MMP26: variants seen among roughly 807,000 people sequenced by gnomAD.
MMP26 encodes matrix metallopeptidase 26.
MMP26 carries 33 observed loss-of-function variants against 31.0 expected under a neutral mutation model. The observed-to-expected ratio is 1.06, with a 90% confidence interval of 0.81 to 1.42. MMP26 has a LOEUF of 1.42. Among genes scored for constraint, MMP26 ranks in the 40% most tolerant of loss-of-function variants. The pLI, the probability that MMP26 is intolerant of heterozygous loss-of-function variation, is 0.00. For synonymous variants in MMP26, 122 were observed against 114.9 expected (o/e 1.06, Z -0.40); for missense variants, 347 against 316.1 (o/e 1.10, Z -0.74).
At chr11:4,845,534 GTAAAA>G (rs1258668104) in intron 2 of MMP26, among the ~76,000 whole-genome samples, 1 of 152,058 alleles carries the variant, frequency 6.6e-6, no homozygotes, top group East Asian at 1.9e-4. Context: ...ATTGATCTGG[GTAAAA>G]ATTTCTTGAG....
intron 2 of MMP26, among the ~76,000 whole-genome samples, chr11:4,826,720 A>G (rs1321071589): frequency 6.6e-6 from 1 of 152,112 alleles, no homozygotes; most frequent in East Asian, 1.9e-4. Flanking sequence ...AGCTAGCAAA[A>G]CATTATAAGG....
In MMP26 at chr11:4,769,013, C is replaced by T. The variant is rs369896596; in HGVS notation, c.-145+1672C>T. 6.8e-5 allele frequency: 104 copies of T among 1,518,770 alleles called. No individual in the cohort carries two copies. The highest frequency in any genetic ancestry group is 2.0e-4 in the African/African-American group (14 of 71,688). 94.1% of individuals were successfully genotyped at this position (1,518,770 alleles called of 1,614,324 possible). A position where few individuals can be genotyped will look rare whatever the true frequency, so the allele number is the denominator to read the frequency against. ...AAGCAGCAGACTGAGCATAGCCTTGCGGATTTGTTTTGTTTTTACACTGTC... is the reference window on the plus strand; with the variant it reads ...AAGCAGCAGACTGAGCATAGCCTTGTGGATTTGTTTTGTTTTTACACTGTC... On this transcript the variant is annotated intron_variant, in intron 2 of 7. Transcript: ENST00000380390.
intron 1 of MMP26, among the ~76,000 whole-genome samples, chr11:4,734,873 C>T (rs1437110725): frequency 6.6e-6 from 1 of 151,384 alleles, no homozygotes; most frequent in Non-Finnish European, 1.5e-5. Flanking sequence ...GGCATGAGTA[C>T]TGCACCTTAG....
At chr11:4,923,468 G>A (rs552022062) in intron 2 of MMP26, 2 of 1,613,308 alleles carry the variant, frequency 1.2e-6, no homozygotes, top group African/African-American at 1.3e-5. Context: ...GTAGATGATG[G>A]GGTTCATAAG....
chr11:4,755,927 G>T (rs1848499570), intron 1 of MMP26, among the ~76,000 whole-genome samples: 1 of 152,046 alleles, frequency 6.6e-6, no homozygotes, highest in Non-Finnish European at 1.5e-5. Flanking sequence ...AAAATCCAGA[G>T]CATGAGCATA....
intron 1 of MMP26, among the ~76,000 whole-genome samples, chr11:4,714,938 A>T (rs1227143286): frequency 1.3e-5 from 2 of 151,748 alleles, no homozygotes; most frequent in Non-Finnish European, 2.9e-5. Context: ...ACACACACAC[A>T]CACACACACA....
intron 2 of MMP26, among the ~76,000 whole-genome samples, chr11:4,933,402 G>T (rs959675336): frequency 1.3e-4 from 19 of 151,940 alleles, no homozygotes; most frequent in South Asian, 4.1e-4. Flanking sequence ...ATAAACACAG[G>T]TTATATATGC....
At chr11:4,941,450 G>A (rs545195158) in intron 2 of MMP26, among the ~76,000 whole-genome samples, 1 of 152,234 alleles carries the variant, frequency 6.6e-6, no homozygotes, top group South Asian at 2.1e-4. Flanking sequence ...AAACACATAC[G>A]GGTTCTTATA....
intron 1 of MMP26, among the ~76,000 whole-genome samples, chr11:4,747,858 A>G (rs1320585348): frequency 6.6e-6 from 1 of 152,140 alleles, no homozygotes; most frequent in Non-Finnish European, 1.5e-5. Flanking sequence ...TAGAAAGATC[A>G]CAAGTTAACC....
chr11:4,723,235 G>C (rs1848043228), intron 1 of MMP26: 1 of 1,283,796 alleles, frequency 7.8e-7, no homozygotes, highest in African/African-American at 1.5e-5. Context: ...TCTCAGCCTG[G>C]AGCCGGCTGA....
chr11:4,980,315 C>T (rs1211263053), intron 2 of MMP26, among the ~76,000 whole-genome samples: 1 of 152,020 alleles, frequency 6.6e-6, no homozygotes, highest in African/African-American at 2.4e-5. Context: ...AGTGTACCTC[C>T]TTTCGAAACC....
intron 2 of MMP26, among the ~76,000 whole-genome samples, chr11:4,839,671 C>T (rs956371009): frequency 7.9e-5 from 12 of 150,948 alleles, no homozygotes; most frequent in African/African-American, 2.4e-4. Flanking sequence ...CCTTGGACCC[C>T]GGACAACAAG....
chr11:4,937,979 T>TA (rs1846153263), intron 2 of MMP26: 1 of 152,090 alleles, frequency 6.6e-6, no homozygotes. Context: ...AACAGATGGA[T>TA]AAAAAATTCC....
chr11:4,707,473 T>A (rs558203392), intron 1 of MMP26, among the ~76,000 whole-genome samples: 23 of 152,296 alleles, frequency 1.5e-4, no homozygotes, highest in Non-Finnish European at 2.6e-4. Context: ...TTATTTACTA[T>A]AATAAAAAGA....
chr11:4,985,487 C>G (rs1380953486), intron 2 of MMP26, among the ~76,000 whole-genome samples: 1 of 152,126 alleles, frequency 6.6e-6, no homozygotes, highest in African/African-American at 2.4e-5. Context: ...ATTAATTCCT[C>G]TGGTTGACAT....
At position 4,950,261 on chromosome 11, in the gene MMP26, A is replaced by G. The variant is rs1365632972; in HGVS notation, c.-144-37807A>G. Among the ~76,000 whole-genome samples, 2 of 123,288 alleles carry G rather than the reference A, an allele frequency of 1.6e-5. 1 individual carries two copies. The highest frequency in any genetic ancestry group is 3.7e-5 in the Non-Finnish European group (2 of 54,238). The allele number at this position is 123,288 out of a possible 152,430, so 80.9% of individuals were successfully genotyped here. A position where few individuals can be genotyped will look rare whatever the true frequency, so the allele number is the denominator to read the frequency against. ...GATACAACCAGGAAAAACAAATTTC[A>G]TAGACAGAATTAATTAATAGAAAGC... On this transcript the variant is annotated intron_variant, in intron 2 of 7. Transcript: ENST00000380390.
At chr11:4,938,506 A>C (rs1373255773) in intron 2 of MMP26, among the ~76,000 whole-genome samples, 1 of 152,014 alleles carries the variant, frequency 6.6e-6, no homozygotes, top group Non-Finnish European at 1.5e-5. Context: ...AGCAAATGGG[A>C]AGAATATGAG....
intron 2 of MMP26, among the ~76,000 whole-genome samples, chr11:4,791,019 T>G (rs1849019273): frequency 1.3e-5 from 2 of 152,170 alleles, no homozygotes; most frequent in Non-Finnish European, 2.9e-5. Flanking sequence ...AACCTAATAT[T>G]CCAACATCCT....
At chr11:4,857,758 C>A (rs1461892009) in intron 2 of MMP26, among the ~76,000 whole-genome samples, 1 of 152,100 alleles carries the variant, frequency 6.6e-6, no homozygotes, top group Non-Finnish European at 1.5e-5. Flanking sequence ...CAAGGCCAGG[C>A]AGAGACACAA....
Sources: gnomAD v4.1 joint callset for allele counts (sites outside exome capture counted in the v4.1 genomes callset) on GRCh38, gnomAD v4.1.1 for gene constraint, MANE v1.5 for transcripts, NCBI Gene and HGNC (gene_info 2026-07-23, HGNC 2026-07-21) for gene names.